FAM110B: variants seen among roughly 807,000 people sequenced by gnomAD.
The protein encoded by FAM110B is protein FAM110B.
Under a neutral mutation model 20.4 loss-of-function variants are expected in FAM110B, and 6 were observed. The ratio of observed to expected loss-of-function variants is 0.29; its 90% CI spans 0.16 to 0.58. The LOEUF (loss-of-function observed/expected upper bound fraction) is 0.58. FAM110B is among the 20% of genes least tolerant of loss of function. The pLI is 0.90. For synonymous variants in FAM110B, 226 were observed against 214.1 expected, an observed-to-expected ratio of 1.06 and a Z score of -0.49; for missense variants, 434 against 498.2, an observed-to-expected ratio of 0.87 and a Z score of 1.23.
At chr8:58,014,222 C>T (rs1338282463) in intron 1 of FAM110B, among the ~76,000 whole-genome samples, 3 of 152,116 alleles carry the variant, frequency 2.0e-5, no homozygotes, top group Non-Finnish European at 4.4e-5. Flanking sequence ...CTCTGCCTAG[C>T]GGGAATCAGT....
At chr8:58,077,859 T>G (rs1419852908) in intron 3 of FAM110B, among the ~76,000 whole-genome samples, 1 of 152,242 alleles carries the variant, frequency 6.6e-6, no homozygotes, top group Admixed American at 6.5e-5. Context: ...TCAGTTGGGT[T>G]GCAGGCGTAA....
intron 3 of FAM110B, chr8:58,091,386 C>G (rs1806473273): frequency 6.6e-6 from 1 of 152,174 alleles, no homozygotes; most frequent in Non-Finnish European, 1.5e-5. Context: ...CTGGTCATCA[C>G]CAGGACATTT....
At position 58,147,103 on chromosome 8, in the gene FAM110B, G is replaced by A. The variant is rs1803885967; in HGVS notation, c.873G>A (p.Leu291=). The part of the protein sequence containing the change: ...CGLDPEELEN[L]GMENFARANS... ...TGGACCCGGAAGAGCTGGAAAACCT[G>A]GGAATGGAAAACTTTGCAAGGGCTA... The change falls in exon 4 of 4, where the codon CTG becomes CTA. Residue 291 remains leucine (L), a synonymous_variant. Transcript: ENST00000519262. 2 of 1,614,068 alleles carry A rather than the reference G, an allele frequency of 1.2e-6. No individual in the cohort carries two copies. Among genetic ancestry groups the A allele is most frequent in the Admixed American group, 1.7e-5 (1 of 59,996 alleles).
At chr8:58,036,903 A>T (rs1320718700) in intron 2 of FAM110B, among the ~76,000 whole-genome samples, 1 of 152,214 alleles carries the variant, frequency 6.6e-6, no homozygotes, top group African/African-American at 2.4e-5. Context: ...TTCTCCAAGT[A>T]CAAGAGTATA....
chr8:58,023,171 A>AATTTTT (rs59889475), intron 1 of FAM110B, among the ~76,000 whole-genome samples: 1 of 151,800 alleles, frequency 6.6e-6, no homozygotes, highest in African/African-American at 2.4e-5. Flanking sequence ...ACTATTACAT[A>AATTTTT]ATTTTTATTT....
At chr8:58,101,638 G>A (rs1806782522) in intron 3 of FAM110B, among the ~76,000 whole-genome samples, 1 of 151,300 alleles carries the variant, frequency 6.6e-6, no homozygotes, top group Non-Finnish European at 1.5e-5. Flanking sequence ...CAGCTGTATT[G>A]ATTTCTACTC....
chr8:58,065,772 T>A (rs1320437848), intron 2 of FAM110B, among the ~76,000 whole-genome samples: 2 of 152,086 alleles, frequency 1.3e-5, no homozygotes, highest in Non-Finnish European at 2.9e-5. Flanking sequence ...TATCTGTAAG[T>A]GGGAAGGTAA....
intron 3 of FAM110B, among the ~76,000 whole-genome samples, chr8:58,097,026 T>A (rs1806650255): frequency 6.6e-6 from 1 of 152,198 alleles, no homozygotes; most frequent in Non-Finnish European, 1.5e-5. Flanking sequence ...TGTCTTGAGG[T>A]CGCTCTTCTC....
At position 58,125,708 on chromosome 8, in the gene FAM110B, T is replaced by C. The variant is rs376243561; in HGVS notation, c.-324-20199T>C. ...CCATTTCTCCATATAAAATGTCTTA[T>C]GACCTGAGAAACATGTCAATTTACA... On this transcript the variant is annotated intron_variant, in intron 3 of 3. Coordinates refer to ENST00000519262, the MANE Select transcript of FAM110B (RefSeq NM_001377989.1). Among the ~76,000 whole-genome samples, 81 of 152,354 alleles carry C rather than the reference T, an allele frequency of 5.3e-4. 3 individuals are homozygous for C. In the South Asian group the frequency reaches 0.017, roughly 31 times the overall value.
chr8:58,086,439 T>C (rs1328534445), intron 3 of FAM110B, among the ~76,000 whole-genome samples: 1 of 152,236 alleles, frequency 6.6e-6, no homozygotes, highest in Admixed American at 6.5e-5. Context: ...ATCTTATTAA[T>C]TTTAAACTCC....
intron 2 of FAM110B, among the ~76,000 whole-genome samples, chr8:58,045,187 C>G (rs975429848): frequency 6.6e-6 from 1 of 152,146 alleles, no homozygotes; most frequent in Non-Finnish European, 1.5e-5. Flanking sequence ...TCAGAGCACA[C>G]TTGAATTCCA....
intron 3 of FAM110B, among the ~76,000 whole-genome samples, chr8:58,133,894 T>C (rs1214992154): frequency 1.3e-5 from 2 of 152,246 alleles, no homozygotes; most frequent in Non-Finnish European, 2.9e-5. Flanking sequence ...GATGAACTTA[T>C]TAGTCATTGC....
intron 3 of FAM110B, among the ~76,000 whole-genome samples, chr8:58,117,309 A>T (rs1273107328): frequency 6.6e-6 from 1 of 152,174 alleles, no homozygotes; most frequent in African/African-American, 2.4e-5. Flanking sequence ...TCCCAGTGGG[A>T]TGACCCATGA....
intron 3 of FAM110B, among the ~76,000 whole-genome samples, chr8:58,123,322 T>A (rs1309903917): frequency 2.6e-5 from 4 of 152,184 alleles, no homozygotes; most frequent in African/African-American, 9.7e-5. Context: ...TGGGGGGTGG[T>A]GCCAGGCAAA....
intron 3 of FAM110B, chr8:58,077,301 G>T (rs1435952804): frequency 6.6e-6 from 1 of 152,308 alleles, no homozygotes; most frequent in African/African-American, 2.4e-5. Context: ...CCATCCTAGA[G>T]AGCTGAGGGG....
At chr8:57,997,324 T>A (rs1387997605) in intron 1 of FAM110B, among the ~76,000 whole-genome samples, 1 of 152,238 alleles carries the variant, frequency 6.6e-6, no homozygotes, top group East Asian at 1.9e-4. Flanking sequence ...AATTTGTACT[T>A]TATATGTTCA....
chr8:58,122,957 G>A (rs1019323289), intron 3 of FAM110B, among the ~76,000 whole-genome samples: 3 of 152,128 alleles, frequency 2.0e-5, no homozygotes, highest in Non-Finnish European at 2.9e-5. Flanking sequence ...TTCAGCAGGC[G>A]TCTCCCCCAG....
chr8:58,054,696 T>G (rs1034282460), intron 2 of FAM110B, among the ~76,000 whole-genome samples: 7 of 152,116 alleles, frequency 4.6e-5, no homozygotes, highest in African/African-American at 1.7e-4. Context: ...CTGAGTGCAC[T>G]GGGGCCAGTA....
chr8:58,095,167 A>G (rs192226648), intron 3 of FAM110B, among the ~76,000 whole-genome samples: 45 of 151,914 alleles, frequency 3.0e-4, no homozygotes, highest in African/African-American at 1.1e-3. Flanking sequence ...TGGTCTATCT[A>G]TTTTGTTGAT....
Sources: gnomAD v4.1 joint callset for allele counts (sites outside exome capture counted in the v4.1 genomes callset) on GRCh38, gnomAD v4.1.1 for gene constraint, MANE v1.5 for transcripts, NCBI Gene and HGNC (gene_info 2026-07-23, HGNC 2026-07-21) for gene names.